Variants in GSE1 observed in about 807,000 individuals in gnomAD.
The protein encoded by GSE1 is Gse1 coiled-coil protein.
GSE1 carries 32 observed loss-of-function variants against 112.6 expected under a neutral mutation model. That is an observed-to-expected ratio of 0.28 (90% CI 0.21 to 0.38). The LOEUF (loss-of-function observed/expected upper bound fraction) is 0.38, where lower values mean the gene tolerates loss of function less well. Among genes scored for constraint, GSE1 ranks in the 10% least tolerant of loss-of-function variants. The pLI is 1.00. For missense variants in GSE1, 2,348 were observed against 1,699.2 expected, an observed-to-expected ratio of 1.38 and a Z score of -6.71; for synonymous variants, 1,115 against 735.6, an observed-to-expected ratio of 1.52 and a Z score of -8.35.
chr16:85,257,604 GA>G (rs1907221051), intron 1 of GSE1, among the ~76,000 whole-genome samples: 3 of 152,114 alleles, frequency 2.0e-5, no homozygotes, highest in Non-Finnish European at 2.9e-5. Context: ...TATTGCAAAG[GA>G]AAAAAACTAG....
exon 1 of GSE1, chr16:85,169,866 G>C (rs1247092248): frequency 1.0e-6 from 1 of 984,350 alleles, no homozygotes; most frequent in Non-Finnish European, 1.2e-6. Flanking sequence ...GCATGTACTG[G>C]CTCAAGCGGC....
intron 2 of GSE1, among the ~76,000 whole-genome samples, chr16:85,365,413 G>A (rs535219577): frequency 6.6e-6 from 1 of 152,352 alleles, no homozygotes; most frequent in African/African-American, 2.4e-5. Flanking sequence ...TGTGGACAAA[G>A]GGGCAGCTGG....
chr16:85,223,447 C>T (rs774249252), intron 1 of GSE1, among the ~76,000 whole-genome samples: 7 of 149,590 alleles, frequency 4.7e-5, no homozygotes, highest in Non-Finnish European at 7.4e-5. Flanking sequence ...AGCTTGAACC[C>T]GGGAGGTGGA....
intron 1 of GSE1, among the ~76,000 whole-genome samples, chr16:85,215,549 T>C (rs1048239674): frequency 8.5e-5 from 13 of 152,182 alleles, no homozygotes; most frequent in South Asian, 2.1e-4. Context: ...CCAAAAGCAA[T>C]TGAAATAAAC....
Position 85,410,477 on chromosome 16 carries a change from CTCACTGTTACACTCAGGGCCCCCCGGAT to C in GSE1, c.2464+52835_2464+52862del, listed in dbSNP as rs2048492979. 2.6e-4 allele frequency among the ~76,000 whole-genome samples: 2 copies of C among 7,718 alleles called. 1 individual carries two copies. Among genetic ancestry groups the C allele is most frequent in the Non-Finnish European group, 7.0e-4 (2 of 2,870 alleles). 5.1% of individuals were successfully genotyped at this position (7,718 alleles called of 152,430 possible). A position where few individuals can be genotyped will look rare whatever the true frequency, so the allele number is the denominator to read the frequency against. On this transcript the variant is annotated intron_variant, in intron 2 of 2. Coordinates refer to the GSE1 transcript ENST00000637419. ...ACACTCAGGGCCCCCCTGGATAATG[CTCACTGTTACACTCAGGGCCCCCCGGAT>C]AATCCTCACTGTTACTCTTAGGCCC...
At chr16:85,465,136 C>T (rs2050087859) in intron 2 of GSE1, among the ~76,000 whole-genome samples, 2 of 152,374 alleles carry the variant, frequency 1.3e-5, no homozygotes, top group African/African-American at 2.4e-5. Flanking sequence ...CAGAAAGATC[C>T]GGTCACTCCG....
intron 1 of GSE1, among the ~76,000 whole-genome samples, chr16:85,175,117 A>AAC (rs2074434894): frequency 6.6e-6 from 1 of 152,214 alleles, no homozygotes; most frequent in African/African-American, 2.4e-5. Context: ...CACAAGAGGA[A>AAC]ACATGAGAAA....
At chr16:85,354,164 A>G (rs112254396) in intron 1 of GSE1, among the ~76,000 whole-genome samples, 3,151 of 152,216 alleles carry the variant, frequency 0.021, 52 homozygotes, top group Middle Eastern at 0.075. Context: ...AGTACTTGTC[A>G]TCTGTGCTCC....
intron 3 of GSE1, among the ~76,000 whole-genome samples, chr16:85,651,055 C>CCCCCTCCCCCTCCG: frequency 1.6e-5 from 2 of 121,544 alleles, no homozygotes; most frequent in African/African-American, 6.1e-5. Flanking sequence ...CGCCCCTCCT[C>CCCCCTCCCCCTCCG]CCCCTCCCCC....
At chr16:85,476,732 C>T (rs1407073318) in intron 2 of GSE1, among the ~76,000 whole-genome samples, 2 of 151,880 alleles carry the variant, frequency 1.3e-5, no homozygotes, top group African/African-American at 4.8e-5. Context: ...CCGCAGCCTC[C>T]CCAGTAGCTG....
chr16:85,352,388 G>A (rs1384847657), intron 1 of GSE1, among the ~76,000 whole-genome samples: 1 of 152,142 alleles, frequency 6.6e-6, no homozygotes, highest in East Asian at 1.9e-4. Context: ...GGAAACAATG[G>A]CATTTTCCCA....
At chr16:85,390,891 C>T (rs1477053770) in intron 2 of GSE1, among the ~76,000 whole-genome samples, 1 of 152,214 alleles carries the variant, frequency 6.6e-6, no homozygotes, top group Non-Finnish European at 1.5e-5. Context: ...TTTGGAGATG[C>T]GTCATGCTGG....
chr16:85,459,919 G>C (rs1317143769), intron 2 of GSE1, among the ~76,000 whole-genome samples: 2 of 152,210 alleles, frequency 1.3e-5, no homozygotes, highest in Non-Finnish European at 2.9e-5. Context: ...TGGATGGCCT[G>C]GTTGGATCTC....
intron 1 of GSE1, among the ~76,000 whole-genome samples, chr16:85,203,569 T>G (rs1046218660): frequency 6.6e-6 from 1 of 151,784 alleles, no homozygotes; most frequent in Non-Finnish European, 1.5e-5. Flanking sequence ...GGAGGAAGAG[T>G]GGCAAGTGGG....
intron 2 of GSE1, among the ~76,000 whole-genome samples, chr16:85,392,765 C>A (rs752572632): frequency 6.6e-6 from 1 of 152,184 alleles, no homozygotes; most frequent in Non-Finnish European, 1.5e-5. Context: ...GGACTGGAAC[C>A]CAGAAGTCCA....
intron 2 of GSE1, among the ~76,000 whole-genome samples, chr16:85,502,336 G>T (rs1483333460): frequency 6.6e-6 from 1 of 152,350 alleles, no homozygotes; most frequent in Middle Eastern, 3.4e-3. Context: ...GGGTAGCGCA[G>T]GTTCATGGCC....
intron 2 of GSE1, among the ~76,000 whole-genome samples, chr16:85,420,393 T>G (rs77388177): frequency 0.011 from 1,623 of 152,222 alleles, 35 homozygotes; most frequent in African/African-American, 0.037. Context: ...TTTGTAGCTC[T>G]GGCAGCCCTG....
At chr16:85,630,412 A>C (rs1567680157) in intron 1 of GSE1, among the ~76,000 whole-genome samples, 1 of 152,202 alleles carries the variant, frequency 6.6e-6, no homozygotes. Flanking sequence ...CGGTGTGATC[A>C]TAGCTCACTG....
intron 1 of GSE1, among the ~76,000 whole-genome samples, chr16:85,303,779 G>C (rs34651090): frequency 6.6e-6 from 1 of 152,364 alleles, no homozygotes; most frequent in East Asian, 1.9e-4. Context: ...CCCTGCCTCA[G>C]TTTCCTCACG....
Sources: allele counts gnomAD v4.1 joint callset (sites outside exome capture counted in the v4.1 genomes callset), GRCh38; gene constraint gnomAD v4.1.1; transcripts MANE v1.5; gene names NCBI Gene and HGNC (gene_info 2026-07-23, HGNC 2026-07-21).